The following KLHL7 variants were observed in gnomAD, a reference collection of about 807,000 sequenced individuals.
The protein encoded by KLHL7 is kelch like family member 7.
A neutral mutation model predicts 67.4 loss-of-function variants in KLHL7; 44 were observed. The observed-to-expected ratio is 0.65, with a 90% CI of 0.51 to 0.84. The LOEUF is 0.84. Among genes scored for constraint, KLHL7 ranks in the 40% least tolerant of loss-of-function variants. The probability of loss-of-function intolerance (pLI) is 0.00; values close to 1 mark genes in which losing one functional copy is unlikely to be tolerated. For missense variants in KLHL7, 362 were observed against 718.1 expected, an observed-to-expected ratio of 0.50 and a Z score of 5.67; for synonymous variants, 252 against 243.3, an observed-to-expected ratio of 1.04 and a Z score of -0.33.
At chr7:23,151,486 G>A (rs1238071806) in intron 6 of KLHL7, among the ~76,000 whole-genome samples, 1 of 151,942 alleles carries the variant, frequency 6.6e-6, no homozygotes, top group Non-Finnish European at 1.5e-5. Flanking sequence ...CCTAATTACC[G>A]TGGGGTGTTA....
intron 4 of KLHL7, among the ~76,000 whole-genome samples, chr7:23,140,105 G>C (rs1784124928): frequency 6.6e-6 from 1 of 152,148 alleles, no homozygotes; most frequent in African/African-American, 2.4e-5. Context: ...TTGTCCCAAA[G>C]TAATACAAAA....
intron 7 of KLHL7, among the ~76,000 whole-genome samples, chr7:23,157,741 T>C (rs886243192): frequency 6.6e-6 from 1 of 152,188 alleles, no homozygotes; most frequent in Non-Finnish European, 1.5e-5. Flanking sequence ...TTGTTTCTCT[T>C]TGTGTTATGT....
chr7:23,157,036 G>A (rs1444775739), intron 7 of KLHL7, among the ~76,000 whole-genome samples: 2 of 152,150 alleles, frequency 1.3e-5, no homozygotes, highest in Admixed American at 6.5e-5. Context: ...TCTTAAACAG[G>A]TCCTCCCTAA....
chr7:23,114,623 T>G (rs910323246), intron 1 of KLHL7, among the ~76,000 whole-genome samples: 5 of 152,232 alleles, frequency 3.3e-5, no homozygotes, highest in Non-Finnish European at 5.9e-5. Context: ...CTTTGTTCTA[T>G]CTTAAATGCT....
At chr7:23,129,496 C>T (rs535700644) in intron 4 of KLHL7, 12 of 278,666 alleles carry the variant, frequency 4.3e-5, no homozygotes, top group Non-Finnish European at 7.0e-6. Flanking sequence ...CAGATAGACA[C>T]AATGATTAAC....
In KLHL7 at chr7:23,175,583, A is replaced by G. The variant is rs958971920; in HGVS notation, c.*1285A>G. 3.1e-6 allele frequency: 1 copy of G among 325,700 alleles called. No homozygotes were observed. The highest frequency in any genetic ancestry group is 2.2e-5 in the African/African-American group (1 of 45,690). The allele number at this position is 325,700 out of a possible 1,614,324, so 20.2% of individuals were successfully genotyped here. On this transcript the variant is annotated 3_prime_UTR_variant, in exon 11 of 11. Coordinates refer to ENST00000339077, the MANE Select transcript of KLHL7 (RefSeq NM_001031710.3). ...AAGGAATTAGGAAAAACATAATGATAGGTATATTTCTATTTGTGTAGGGTT... is the reference window on the plus strand; with the variant it reads ...AAGGAATTAGGAAAAACATAATGATGGGTATATTTCTATTTGTGTAGGGTT...
chr7:23,134,563 A>G (rs13438452), intron 4 of KLHL7, among the ~76,000 whole-genome samples: 65,720 of 151,926 alleles, frequency 0.43, 15,635 homozygotes, highest in African/African-American at 0.64. Context: ...GGTAGAATTC[A>G]TCAGGGAAGG....
At chr7:23,166,523 A>T (rs1354311506) in intron 8 of KLHL7, among the ~76,000 whole-genome samples, 1 of 152,158 alleles carries the variant, frequency 6.6e-6, no homozygotes, top group Non-Finnish European at 1.5e-5. Flanking sequence ...TGCAGGCTAG[A>T]TACATAATAG....
At chr7:23,155,709 C>A in intron 7 of KLHL7, among the ~76,000 whole-genome samples, 1 of 151,664 alleles carries the variant, frequency 6.6e-6, no homozygotes. Flanking sequence ...ATCCTAAAAA[C>A]TATAGATTAA....
intron 9 of KLHL7, among the ~76,000 whole-genome samples, chr7:23,169,351 A>T (rs1785091181): frequency 6.6e-6 from 1 of 152,220 alleles, no homozygotes; most frequent in Non-Finnish European, 1.5e-5. Flanking sequence ...TTTTTAAAAG[A>T]TTTAAGGAAG....
At chr7:23,106,367 C>T (rs1782639206) in intron 1 of KLHL7, 1 of 1,390,324 alleles carries the variant, frequency 7.2e-7, no homozygotes, top group Non-Finnish European at 9.4e-7. Flanking sequence ...ATGTAGCTCC[C>T]AAGTCAGACT....
At position 23,164,109 on chromosome 7, in the gene KLHL7, G is replaced by T. The variant is rs566895190; in HGVS notation, c.937-1589G>T. Among the ~76,000 whole-genome samples, 8 of 151,674 alleles carry T rather than the reference G, an allele frequency of 5.3e-5. No homozygotes were observed. In the South Asian group the frequency reaches 1.7e-3, roughly 32 times the overall value. Reference sequence around the variant, plus strand: ...TTCATCACTAGGGTAATGCCCAACAGTCATAGCCACTGAGCTGACAAGACT... The same window carrying T: ...TTCATCACTAGGGTAATGCCCAACATTCATAGCCACTGAGCTGACAAGACT... On this transcript the variant is annotated intron_variant, in intron 7 of 10. Coordinates refer to ENST00000339077, the MANE Select transcript of KLHL7 (RefSeq NM_001031710.3).
intron 1 of KLHL7, among the ~76,000 whole-genome samples, chr7:23,119,324 C>T (rs1183731606): frequency 3.9e-5 from 6 of 152,140 alleles, no homozygotes; most frequent in Non-Finnish European, 8.8e-5. Context: ...CATGCCTCAG[C>T]CTCCTGAGTA....
intron 9 of KLHL7, chr7:23,172,701 GAT>G (rs2128470418): frequency 2.9e-6 from 1 of 346,756 alleles, no homozygotes; most frequent in Non-Finnish European, 5.3e-6. Flanking sequence ...TTTTTTAATA[GAT>G]ATCCTCATTT....
chr7:23,134,909 C>T (rs1783924850), intron 4 of KLHL7, among the ~76,000 whole-genome samples: 1 of 152,000 alleles, frequency 6.6e-6, no homozygotes, highest in Non-Finnish European at 1.5e-5. Context: ...CTTTTTGTTT[C>T]ATTGATCTTT....
chr7:23,126,983 A>G (rs1365438570), intron 4 of KLHL7, among the ~76,000 whole-genome samples: 4 of 152,194 alleles, frequency 2.6e-5, no homozygotes, highest in Non-Finnish European at 4.4e-5. Context: ...GAGTCCTTCC[A>G]TCTCTTTGGG....
intron 6 of KLHL7, among the ~76,000 whole-genome samples, chr7:23,150,979 A>T (rs909760531): frequency 6.6e-6 from 1 of 151,936 alleles, no homozygotes. Context: ...GTGTCTTTTA[A>T]TAGTATTTTT....
At position 23,173,996 on chromosome 7, in the gene KLHL7, A is replaced by G. The variant is rs756653921; in HGVS notation, c.1478-19A>G. ...GTTGATATAGTTTTTCATGTTGTTC[A>G]TGTTTTATTCTTTTGAAGGTGGTCT... On this transcript the variant is annotated intron_variant, in intron 10 of 10. Coordinates refer to ENST00000339077, the MANE Select transcript of KLHL7 (RefSeq NM_001031710.3). The G allele has an allele frequency of 2.5e-6, 4 of 1,611,512 alleles. No individual in the cohort carries two copies. Among genetic ancestry groups the G allele is most frequent in the South Asian group, 1.1e-5 (1 of 91,024 alleles).
chr7:23,173,650 A>G (rs1327595673), intron 10 of KLHL7, among the ~76,000 whole-genome samples: 7 of 152,160 alleles, frequency 4.6e-5, no homozygotes, highest in Admixed American at 1.3e-4. Context: ...GTCCCTGTCC[A>G]TTGCTATTTT....
Sources: gnomAD v4.1 joint callset for allele counts (sites outside exome capture counted in the v4.1 genomes callset) on GRCh38, gnomAD v4.1.1 for gene constraint, MANE v1.5 for transcripts, NCBI Gene and HGNC (gene_info 2026-07-23, HGNC 2026-07-21) for gene names.